Variants in DMD observed in about 807,000 individuals in gnomAD.
DMD encodes the protein mutant dystrophin.
Under a neutral mutation model 330.1 loss-of-function variants are expected in DMD, and 63 were observed. The ratio of observed to expected loss-of-function variants is 0.19; its 90% CI spans 0.16 to 0.24. The LOEUF (loss-of-function observed/expected upper bound fraction) is 0.24, where lower values mean the gene tolerates loss of function less well. Among genes scored for constraint, DMD ranks in the 10% least tolerant of loss-of-function variants. DMD has a pLI of 1.00. For missense variants in DMD, 3,344 were observed against 2,684.1 expected (o/e 1.25, Z -5.43); for synonymous variants, 1,223 against 959.8 (o/e 1.27, Z -5.07).
At chrX:33,031,122 A>G (rs2094103391) in intron 1 of DMD, among the ~76,000 whole-genome samples, 1 of 110,817 alleles carries the variant, frequency 9.0e-6, no homozygotes, top group Admixed American at 9.6e-5. Flanking sequence ...GATTCTGTGG[A>G]TGCTGAAGAT....
chrX:33,282,807 C>T lies in DMD; in HGVS notation c.7+56452G>A, dbSNP rs187873558. ...GAGAGGAAACTAGCTGGGCTGCCTT[C>T]TGCTACTAGGCTTGAAAGTTGGAAA... is the stretch of plus-strand genomic sequence containing the variant. On this transcript the variant is annotated intron_variant, in intron 1 of 17. Transcript: ENST00000288447. Among the ~76,000 whole-genome samples the T allele has an allele frequency of 3.3e-3, 369 of 112,199 alleles. 1 individual carries two copies. Among genetic ancestry groups the T allele is most frequent in the Middle Eastern group, 0.014 (3 of 218 alleles).
chrX:31,137,311 G>A (rs947881715), intron 76 of DMD, among the ~76,000 whole-genome samples: 2 of 112,268 alleles, frequency 1.8e-5, no homozygotes, highest in Non-Finnish European at 3.8e-5. Context: ...GAGCCACCAC[G>A]CCCAGGCTCA....
rs756787022 is a variant in DMD at position 31,366,503 on chromosome X, A to T, written c.9085-17869T>A. On this transcript the variant is annotated intron_variant, in intron 60 of 78. Transcript: ENST00000357033. ...AAAAAAAAAAAAAAAAAAACATAAA[A>T]AAAAAAATAAATAAATAAAAAAGAT... 3.8e-4 allele frequency among the ~76,000 whole-genome samples: 39 copies of T among 102,273 alleles called. 1 individual carries two copies. Among genetic ancestry groups the T allele is most frequent in the Non-Finnish European group, 6.9e-4 (35 of 50,522 alleles). The allele number at this position is 102,273 out of a possible 115,157, so 88.8% of individuals were successfully genotyped here.
chrX:33,197,586 C>A (rs1225436193), intron 1 of DMD, among the ~76,000 whole-genome samples: 1 of 111,921 alleles, frequency 8.9e-6, no homozygotes, highest in Non-Finnish European at 1.9e-5. Flanking sequence ...ATACCCTCTG[C>A]CTTATTCCTG....
intron 12 of DMD, among the ~76,000 whole-genome samples, chrX:32,596,460 A>G (rs1277207970): frequency 9.0e-6 from 1 of 111,664 alleles, no homozygotes; most frequent in Non-Finnish European, 1.9e-5. Flanking sequence ...CTTACTTGAC[A>G]TGTTGATTAC....
intron 7 of DMD, among the ~76,000 whole-genome samples, chrX:32,757,034 C>A (rs2071590432): frequency 1.8e-5 from 2 of 111,043 alleles, no homozygotes; most frequent in African/African-American, 6.5e-5. Flanking sequence ...GAGATTAGCT[C>A]CATTTTTTTT....
intron 44 of DMD, among the ~76,000 whole-genome samples, chrX:32,149,039 G>A (rs1015198821): frequency 2.7e-5 from 3 of 111,838 alleles, no homozygotes; most frequent in African/African-American, 9.7e-5. Context: ...AAAAAAAGGA[G>A]TCCTTAATTT....
chrX:31,929,479 A>G (rs1213836069), intron 47 of DMD, 117 bp downstream of exon 47: 30 of 915,953 alleles, frequency 3.3e-5, no homozygotes, highest in Non-Finnish European at 4.7e-5. Context: ...AAACAAAACA[A>G]AACAACAATC....
chrX:32,772,601 G>A (rs767816347), intron 7 of DMD, among the ~76,000 whole-genome samples: 1 of 111,939 alleles, frequency 8.9e-6, no homozygotes, highest in Non-Finnish European at 1.9e-5. Flanking sequence ...CAGCTCAAGA[G>A]CCTATGCTCT....
chrX:32,006,864 A>G (rs2095664979), intron 44 of DMD, among the ~76,000 whole-genome samples: 1 of 109,646 alleles, frequency 9.1e-6, no homozygotes, highest in South Asian at 4.0e-4. Flanking sequence ...TGGCACATAT[A>G]CACCATGGAA....
At chrX:32,273,195 T>G (rs763813795) in intron 43 of DMD, among the ~76,000 whole-genome samples, 3 of 109,873 alleles carry the variant, frequency 2.7e-5, no homozygotes, top group East Asian at 5.7e-4. Flanking sequence ...TGAATCAGAG[T>G]TCATAAAATT....
intron 45 of DMD, among the ~76,000 whole-genome samples, chrX:31,943,929 A>G (rs964691592): frequency 8.7e-5 from 6 of 69,278 alleles, no homozygotes; most frequent in Non-Finnish European, 1.3e-4. Flanking sequence ...GAGAGAGAGA[A>G]AAGGGAACAT....
At chrX:33,284,301 T>A (rs1240427501) in intron 1 of DMD, among the ~76,000 whole-genome samples, 2 of 110,942 alleles carry the variant, frequency 1.8e-5, no homozygotes, top group Admixed American at 1.9e-4. Context: ...GCACATTTGG[T>A]TTGAATATAA....
rs1388102986 is a variant in DMD at position 33,235,913 on chromosome X, A to AT, written c.7+103345dup. 2.9e-3 allele frequency among the ~76,000 whole-genome samples: 284 copies of AT among 97,153 alleles called. 3 individuals are homozygous for AT. The highest frequency in any genetic ancestry group is 5.5e-3 in the South Asian group (11 of 2,017). The allele number at this position is 97,153 out of a possible 115,157, so 84.4% of individuals were successfully genotyped here. ...GCCAACTTATATTATTATTATTATT[A>AT]TTATTTTTTTTTTTTTTTATGAGAC... is the stretch of plus-strand genomic sequence containing the variant. On this transcript the variant is annotated intron_variant, in intron 1 of 17. Transcript: ENST00000288447.
At chrX:31,407,697 G>A (rs1161641865) in intron 60 of DMD, among the ~76,000 whole-genome samples, 1 of 106,384 alleles carries the variant, frequency 9.4e-6, no homozygotes, top group Non-Finnish European at 1.9e-5. Context: ...AGCCAGGATG[G>A]TCTCGAACTC....
intron 44 of DMD, among the ~76,000 whole-genome samples, chrX:32,168,686 TG>T (rs1222721014): frequency 9.0e-6 from 1 of 111,489 alleles, no homozygotes; most frequent in Non-Finnish European, 1.9e-5. Flanking sequence ...GGGCTCAAGC[TG>T]ATTATTTTCT....
At chrX:32,093,835 T>A (rs1184053992) in intron 44 of DMD, among the ~76,000 whole-genome samples, 2 of 111,175 alleles carry the variant, frequency 1.8e-5, no homozygotes, top group African/African-American at 6.5e-5. Flanking sequence ...AAATTTTTTA[T>A]GACTGTCAAT....
chrX:32,622,849 G>T (rs928914079), intron 11 of DMD, among the ~76,000 whole-genome samples: 7 of 111,685 alleles, frequency 6.3e-5, no homozygotes, highest in Non-Finnish European at 9.4e-5. Flanking sequence ...CACGGGGTTG[G>T]GTCGAAGAAT....
At chrX:32,967,976 T>C (rs1167981655) in intron 2 of DMD, among the ~76,000 whole-genome samples, 3 of 111,982 alleles carry the variant, frequency 2.7e-5, no homozygotes, top group Non-Finnish European at 3.8e-5. Context: ...TCTTCACACT[T>C]TTCAGTATTA....
Sources: gnomAD v4.1 joint callset for allele counts (sites outside exome capture counted in the v4.1 genomes callset) on GRCh38, gnomAD v4.1.1 for gene constraint, MANE v1.5 for transcripts, NCBI Gene and HGNC (gene_info 2026-07-23, HGNC 2026-07-21) for gene names.